Variants in ABCA1 observed in about 807,000 individuals in gnomAD.
ABCA1 encodes the protein phospholipid-transporting ATPase ABCA1.
In ABCA1, 133 loss-of-function variants were observed where a neutral mutation model predicts 262.5. The ratio of observed to expected loss-of-function variants is 0.51; its 90% confidence interval spans 0.44 to 0.59. ABCA1 has a LOEUF of 0.59. Among genes scored for constraint, ABCA1 ranks in the 20% least tolerant of loss-of-function variants. The pLI is 0.00. For missense variants in ABCA1, 2,452 were observed against 2,777.5 expected, an observed-to-expected ratio of 0.88 and a Z score of 2.63; for synonymous variants, 1,022 against 1,043.5, an observed-to-expected ratio of 0.98 and a Z score of 0.40.
intron 16 of ABCA1, 82 bp from the exon 17 acceptor site, chr9:104,825,969 A>T (rs1281415626): frequency 2.0e-5 from 29 of 1,482,248 alleles, no homozygotes; most frequent in Non-Finnish European, 2.6e-5. Context: ...TTATACCTGG[A>T]GAAATTTGAA....
At chr9:104,903,341 C>T (rs971515609) in intron 2 of ABCA1, among the ~76,000 whole-genome samples, 2 of 152,090 alleles carry the variant, frequency 1.3e-5, no homozygotes, top group Non-Finnish European at 1.5e-5. Context: ...TGCTCAGGGG[C>T]GATTCGGAGC....
At chr9:104,790,661 A>G (rs890081858) in intron 44 of ABCA1, among the ~76,000 whole-genome samples, 4 of 152,334 alleles carry the variant, frequency 2.6e-5, no homozygotes, top group African/African-American at 9.6e-5. Context: ...CTCTTAAAAA[A>G]CAAGCAAATT....
chr9:104,827,282 G>C (rs1414833897), intron 15 of ABCA1, 113 bp from the exon 16 acceptor site: 1 of 875,092 alleles, frequency 1.1e-6, no homozygotes, highest in East Asian at 2.6e-5. Flanking sequence ...AGACAATGCA[G>C]AGGCGTAATG....
chr9:104,837,325 G>A, intron 10 of ABCA1, 103 bp downstream of exon 10: 1 of 1,484,340 alleles, frequency 6.7e-7, no homozygotes, highest in Middle Eastern at 2.3e-4. Flanking sequence ...TTCCAGAAGA[G>A]CCGTGAGTAT....
At position 104,882,963 on chromosome 9, in the gene ABCA1, A is replaced by C. The variant is rs41419649; in HGVS notation, c.421+76T>G. On this transcript the variant is annotated intron_variant, in intron 5 of 49. Transcript: ENST00000374736. ...AAGATCTAATGGGAACAAGCCCCAG[A>C]CACCTGGGCTACTCTCTTTCCCTGG... 29,623 of 1,335,096 alleles carry C rather than the reference A, an allele frequency of 0.022. 471 individuals carry two copies. The highest frequency in any genetic ancestry group is 0.059 in the African/African-American group (4,100 of 69,292). 82.7% of individuals were successfully genotyped at this position (1,335,096 alleles called of 1,614,324 possible). A position where few individuals can be genotyped will look rare whatever the true frequency, so the allele number is the denominator to read the frequency against.
At chr9:104,818,536 G>T in intron 23 of ABCA1, 127 bp downstream of exon 23, 1 of 891,476 alleles carries the variant, frequency 1.1e-6, no homozygotes, top group Non-Finnish European at 1.9e-6. Flanking sequence ...GATTTCAAAG[G>T]GGCAACAGAG....
At chr9:104,882,056 A>AAAAAAAAAAAAAAAAAAAAAAAAAAC in intron 5 of ABCA1, among the ~76,000 whole-genome samples, 1 of 144,538 alleles carries the variant, frequency 6.9e-6, no homozygotes, top group Non-Finnish European at 1.5e-5. Context: ...AAAAAAAAAA[A>AAAAAAAAAAAAAAAAAAAAAAAAAAC]ACTCAAATCT....
rs753024806 is a variant in ABCA1, at chr9:104,787,954, A to G, written c.6170T>C (p.Met2057Thr). ...CACAGGAGGCCCGCCGATCAAAGCC[A>G]TGGCTGTAGAGAGCTTGCGTTTGTT... The part of the protein sequence containing the change: ...GGNKRKLSTA[M>T]ALIGGPPVVF... The change falls in exon 46 of 50, where the codon ATG (methionine) becomes ACG (threonine). Residue 2057 changes from methionine (M) to threonine (T), a missense_variant. This residue lies in a region of ABCA1 where 752 missense variants were observed against 944.5 expected (regional missense o/e 0.80). Coordinates refer to ENST00000374736, the MANE Select transcript of ABCA1 (RefSeq NM_005502.4). 4.3e-6 allele frequency: 7 copies of G among 1,614,068 alleles called. No individual in the cohort carries two copies. In the South Asian group the frequency reaches 5.5e-5, roughly 13 times the overall value.
intron 5 of ABCA1, among the ~76,000 whole-genome samples, chr9:104,879,637 C>T (rs756814224): frequency 2.0e-5 from 3 of 152,302 alleles, no homozygotes; most frequent in East Asian, 1.9e-4. Flanking sequence ...AAATGGAGAA[C>T]ACGTAACTTG....
rs746433545 is a variant in ABCA1 at position 104,818,689 on chromosome 9, T to C, written c.3436A>G (p.Ser1146Gly). ...ESSLSSCRNS[S>G]STVSYLKKED... is the part of the protein sequence containing the mutation. ...TTTTTCAGGTATGACACAGTGCTAC[T>C]ACTGTTTCTGCAGGAACTGAGGGAG... The change falls in exon 23 of 50, where the codon AGT becomes GGT. Residue 1146 changes from serine to glycine, a missense_variant. Around this residue, in one of 4 missense-constraint regions of ABCA1, gnomAD observed 665 missense variants for 727.3 expected, o/e 0.91. Transcript: ENST00000374736. 7 of 1,613,250 alleles carry C rather than the reference T, an allele frequency of 4.3e-6. No individual in the cohort carries two copies. Among genetic ancestry groups the C allele is most frequent in the African/African-American group, 2.7e-5 (2 of 74,904 alleles).
chr9:104,840,270 G>T lies in ABCA1; in HGVS notation c.1054+9C>A. On this transcript the variant is annotated intron_variant, in intron 9 of 49. Transcript: ENST00000374736. ...TGGGGACAGGGCTGGGGTCTGCATG[G>T]ACACTCACTTGTAGAGTTGTCATAG... The T allele has an allele frequency of 6.2e-7, 1 of 1,614,152 alleles. No homozygotes were observed. Among genetic ancestry groups the T allele is most frequent in the South Asian group, 1.1e-5 (1 of 91,058 alleles).
Position 104,832,774 on chromosome 9 carries a change from G to A in ABCA1, c.1312-3C>T, listed in dbSNP as rs1193365924. 7 of 1,613,980 alleles carry A rather than the reference G, an allele frequency of 4.3e-6. No individual in the cohort carries two copies. In the African/African-American group the frequency reaches 9.3e-5, roughly 22 times the overall value. Reference sequence around the variant, plus strand: ...TTGTCCCTGCTGTCCAACAGCATCTGCCATTCCAGTGAGAAAGTACAAGTA... The same window carrying A: ...TTGTCCCTGCTGTCCAACAGCATCTACCATTCCAGTGAGAAAGTACAAGTA... On this transcript the variant is annotated splice_region_variant and splice_polypyrimidine_tract_variant and intron_variant, in intron 11 of 49. Transcript: ENST00000374736.
intron 8 of ABCA1, among the ~76,000 whole-genome samples, chr9:104,843,465 C>T (rs1425014946): frequency 6.6e-6 from 1 of 152,204 alleles, no homozygotes; most frequent in East Asian, 1.9e-4. Context: ...ATTCCAGTCG[C>T]TACTGGAGTT....
At chr9:104,847,223 GTCAC>G (rs1316164657) in intron 7 of ABCA1, among the ~76,000 whole-genome samples, 8 of 152,138 alleles carry the variant, frequency 5.3e-5, no homozygotes, top group African/African-American at 1.7e-4. Flanking sequence ...TAGGATTCTT[GTCAC>G]TCACTCTCCC....
At chr9:104,838,899 G>C (rs754968992) in intron 9 of ABCA1, among the ~76,000 whole-genome samples, 51 of 152,008 alleles carry the variant, frequency 3.4e-4, no homozygotes, top group Non-Finnish European at 6.0e-4. Flanking sequence ...AGCTGGGGGA[G>C]AGGAGGAGAT....
At chr9:104,804,846 T>C (rs1830631266) in intron 31 of ABCA1, 126 bp from the exon 32 acceptor site, 1 of 812,232 alleles carries the variant, frequency 1.2e-6, no homozygotes, top group Non-Finnish European at 2.2e-6. Context: ...TCCCAGACAC[T>C]GCCCTCAGTC....
rs1445490922 is a variant in ABCA1 at position 104,819,966 on chromosome 9, G to T, written c.3064C>A (p.Pro1022Thr). 7 of 1,613,944 alleles carry T rather than the reference G, an allele frequency of 4.3e-6. No individual in the cohort carries two copies. The highest frequency in any genetic ancestry group is 5.9e-6 in the Non-Finnish European group (7 of 1,180,018). ...GTTTTGCTTTTCAGCTTGCTTGATG[G>T]CAAACCAACATCCAGGGCCATCTGC... The part of the protein sequence containing the change: ...MEQMALDVGL[P>T]SSKLKSKTSQ... The change falls in exon 21 of 50, where the codon CCA becomes ACA. Residue 1022 changes from proline to threonine, a missense_variant. Pro to Thr is a conservative substitution (Grantham distance 38, BLOSUM62 -1). Transcript: ENST00000374736.
intron 35 of ABCA1, 107 bp downstream of exon 35, chr9:104,800,403 T>C (rs1830228810): frequency 9.4e-7 from 1 of 1,067,138 alleles, no homozygotes; most frequent in Non-Finnish European, 1.4e-6. Flanking sequence ...GTTTGCTCTT[T>C]TCTGTTGTGA....
intron 18 of ABCA1, among the ~76,000 whole-genome samples, chr9:104,823,560 G>A (rs75003539): frequency 0.062 from 9,456 of 152,150 alleles, 477 homozygotes; most frequent in East Asian, 0.28. Flanking sequence ...GGAAGTTCAG[G>A]GCAGAGAGTG....
Sources: allele counts gnomAD v4.1 joint callset (sites outside exome capture counted in the v4.1 genomes callset), GRCh38; gene constraint gnomAD v4.1.1; regional missense constraint gnomAD v4.1.1; transcripts MANE v1.5; gene names NCBI Gene and HGNC (gene_info 2026-07-23, HGNC 2026-07-21).